Variants in ARHGAP10 observed in about 807,000 individuals in gnomAD.
The protein encoded by ARHGAP10 is Rho GTPase activating protein 10, also known as rho GTPase-activating protein 10.
A neutral mutation model predicts 108.6 loss-of-function variants in ARHGAP10; 87 were observed. The observed-to-expected ratio is 0.80, with a 90% CI of 0.67 to 0.96. The LOEUF (loss-of-function observed/expected upper bound fraction) is 0.96, where lower values mean the gene tolerates loss of function less well. ARHGAP10 is among the 40% of genes least tolerant of loss of function. The pLI, the probability that ARHGAP10 is intolerant of heterozygous loss-of-function variation, is 0.00. For missense variants in ARHGAP10, 939 were observed against 954.5 expected (o/e 0.98, Z 0.21); for synonymous variants, 347 against 341.1 (o/e 1.02, Z -0.19).
At chr4:148,055,548 G>A (rs1414649891) in intron 20 of ARHGAP10, among the ~76,000 whole-genome samples, 1 of 152,106 alleles carries the variant, frequency 6.6e-6, no homozygotes, top group African/African-American at 2.4e-5. Context: ...AATTAGCCTG[G>A]CATGGTGGTA....
At chr4:147,939,106 C>A (rs900413365) in intron 13 of ARHGAP10, among the ~76,000 whole-genome samples, 2 of 152,152 alleles carry the variant, frequency 1.3e-5, no homozygotes, top group African/African-American at 4.8e-5. Context: ...CTAATTGCAT[C>A]AAAAATGTCT....
chr4:147,811,327 G>A (rs1732009286), intron 1 of ARHGAP10, among the ~76,000 whole-genome samples: 1 of 152,198 alleles, frequency 6.6e-6, no homozygotes. Flanking sequence ...TGAAATAAGT[G>A]TAGAACATGT....
intron 13 of ARHGAP10, among the ~76,000 whole-genome samples, chr4:147,918,862 C>T (rs970159957): frequency 6.6e-6 from 1 of 152,196 alleles, no homozygotes; most frequent in African/African-American, 2.4e-5. Flanking sequence ...ACACGTTGTG[C>T]CTGGCATTGA....
rs1241216509 is a variant in ARHGAP10, at chr4:147,867,235, A to T, written c.702+419A>T. 2.0e-5 allele frequency among the ~76,000 whole-genome samples: 3 copies of T among 152,172 alleles called. No individual in the cohort carries two copies. In the East Asian group the frequency reaches 5.8e-4, roughly 29 times the overall value. On this transcript the variant is annotated intron_variant, in intron 7 of 22. Coordinates refer to ENST00000336498, the MANE Select transcript of ARHGAP10 (RefSeq NM_024605.4). ...ACATTTTATGCATATTTACTAATGCATTGGTGTTTACAGTTGCTATTGGTC... is the reference window on the plus strand; with the variant it reads ...ACATTTTATGCATATTTACTAATGCTTTGGTGTTTACAGTTGCTATTGGTC...
intron 20 of ARHGAP10, among the ~76,000 whole-genome samples, chr4:148,062,725 T>G (rs1729675492): frequency 1.3e-5 from 2 of 152,220 alleles, no homozygotes; most frequent in South Asian, 2.1e-4. Flanking sequence ...TAGGAGCAGG[T>G]GAAAGATCTT....
intron 19 of ARHGAP10, among the ~76,000 whole-genome samples, chr4:148,039,613 C>G (rs1201700295): frequency 6.6e-6 from 1 of 151,804 alleles, no homozygotes; most frequent in Non-Finnish European, 1.5e-5. Flanking sequence ...GATACTACTT[C>G]AATTTCCTTC....
chr4:147,757,716 A>G (rs1273840529), intron 1 of ARHGAP10, among the ~76,000 whole-genome samples: 5 of 152,208 alleles, frequency 3.3e-5, no homozygotes, highest in Non-Finnish European at 7.3e-5. Context: ...ACACCTGGGT[A>G]CTTAACCTGT....
At chr4:147,875,613 A>G (rs941791244) in intron 8 of ARHGAP10, among the ~76,000 whole-genome samples, 8 of 152,176 alleles carry the variant, frequency 5.3e-5, no homozygotes, top group African/African-American at 1.9e-4. Context: ...TCTTAAGGTC[A>G]AGAGGGACAT....
At chr4:147,764,042 G>A (rs536737775) in intron 1 of ARHGAP10, among the ~76,000 whole-genome samples, 1 of 152,236 alleles carries the variant, frequency 6.6e-6, no homozygotes, top group African/African-American at 2.4e-5. Flanking sequence ...ATTACATGGT[G>A]AACCACCATG....
intron 3 of ARHGAP10, among the ~76,000 whole-genome samples, chr4:147,825,505 A>T (rs1466694250): frequency 6.6e-6 from 1 of 152,058 alleles, no homozygotes; most frequent in Non-Finnish European, 1.5e-5. Context: ...ATTTGCACTC[A>T]TTCCTAAATT....
intron 22 of ARHGAP10, among the ~76,000 whole-genome samples, chr4:148,066,627 T>G (rs1171771841): frequency 1.3e-5 from 2 of 152,194 alleles, no homozygotes; most frequent in Non-Finnish European, 2.9e-5. Flanking sequence ...TGTCTCCGTG[T>G]GTTTTGGAGG....
chr4:148,006,640 A>G lies in ARHGAP10; in HGVS notation c.1717-16623A>G, dbSNP rs561775418. On this transcript the variant is annotated intron_variant, in intron 18 of 22. Coordinates refer to ENST00000336498, the MANE Select transcript of ARHGAP10 (RefSeq NM_024605.4). ...TGATTTCCCTGTTGACTTACTTCCT[A>G]TTGACTTCCAGAAGAGAGTACTTTT... Among the ~76,000 whole-genome samples, 228 of 152,320 alleles carry G rather than the reference A, an allele frequency of 1.5e-3. 6 individuals carry two copies. In the South Asian group the frequency reaches 0.046, roughly 30 times the overall value.
At chr4:147,768,426 G>T (rs184038388) in intron 1 of ARHGAP10, among the ~76,000 whole-genome samples, 3 of 152,038 alleles carry the variant, frequency 2.0e-5, no homozygotes, top group Admixed American at 1.3e-4. Context: ...AGATTCCGCT[G>T]TTAACATCAG....
intron 13 of ARHGAP10, among the ~76,000 whole-genome samples, chr4:147,930,165 T>G (rs1241607866): frequency 1.3e-5 from 2 of 152,180 alleles, no homozygotes; most frequent in Non-Finnish European, 2.9e-5. Flanking sequence ...TGAATGTTAG[T>G]TTACAGAACC....
intron 1 of ARHGAP10, among the ~76,000 whole-genome samples, chr4:147,760,572 C>T (rs923091326): frequency 2.0e-5 from 3 of 152,088 alleles, no homozygotes; most frequent in African/African-American, 7.2e-5. Flanking sequence ...TTGTCTGTCC[C>T]CCAAGTCCAT....
chr4:147,861,268 AC>A (rs1734309412), intron 5 of ARHGAP10: 1 of 152,376 alleles, frequency 6.6e-6, no homozygotes. Context: ...CTGTGGCTGG[AC>A]CAGGCATACT....
chr4:147,881,937 GTTA>G lies in ARHGAP10; in HGVS notation c.1034+8_1034+10del. ...TGACATAGAAGCTGCTGATCGGTAA[GTTA>G]TTGGAATTATTGGACATGGTGAAAG... On this transcript the variant is annotated splice_donor_region_variant and intron_variant, in intron 10 of 22. Transcript: ENST00000336498. 1 of 1,613,098 alleles carries G rather than the reference GTTA, an allele frequency of 6.2e-7. No homozygotes were observed. The highest frequency in any genetic ancestry group is 8.5e-7 in the Non-Finnish European group (1 of 1,179,502).
intron 18 of ARHGAP10, among the ~76,000 whole-genome samples, chr4:147,983,545 A>C (rs1739915365): frequency 6.6e-6 from 1 of 150,494 alleles, no homozygotes; most frequent in African/African-American, 2.5e-5. Flanking sequence ...CATTTGAAGC[A>C]CTGATTTTTG....
At position 147,933,506 on chromosome 4, in the gene ARHGAP10, A is replaced by G. The variant is rs189277162; in HGVS notation, c.1229-6319A>G. 3.5e-3 allele frequency among the ~76,000 whole-genome samples: 534 copies of G among 151,128 alleles called. 1 individual carries two copies. The highest frequency in any genetic ancestry group is 5.2e-3 in the Non-Finnish European group (354 of 67,898). ...TCTTCAGAGGGCCTTCCAGGATTCT[A>G]AGATGACTGACTCTTGGGTTTCCTG... is the stretch of plus-strand genomic sequence containing the variant. On this transcript the variant is annotated intron_variant, in intron 13 of 22. Coordinates refer to ENST00000336498, the MANE Select transcript of ARHGAP10 (RefSeq NM_024605.4).
Sources: allele counts gnomAD v4.1 joint callset (sites outside exome capture counted in the v4.1 genomes callset), GRCh38; gene constraint gnomAD v4.1.1; transcripts MANE v1.5; gene names NCBI Gene and HGNC (gene_info 2026-07-23, HGNC 2026-07-21).